The following UMAD1 variants were observed in gnomAD, a reference collection of about 807,000 sequenced individuals.
UMAD1 encodes UBAP1-MVB12-associated (UMA) domain containing 1, also known as UBAP1-MVB12-associated (UMA)-domain containing protein 1.
A neutral mutation model predicts 6.1 loss-of-function variants in UMAD1; 8 were observed. That is an observed-to-expected ratio of 1.30 (90% CI 0.76 to 2.35). The LOEUF (loss-of-function observed/expected upper bound fraction) is 2.35, where lower values mean the gene tolerates loss of function less well. Ranked by LOEUF, UMAD1 falls within the 30% of genes most tolerant of loss-of-function variation. The pLI, the probability that UMAD1 is intolerant of heterozygous loss-of-function variation, is 0.00. For synonymous variants in UMAD1, 56 were observed against 31.4 expected (o/e 1.78, Z -2.61); for missense variants, 130 against 78.4 (o/e 1.66, Z -2.49).
At chr7:7,801,808 C>G in intron 3 of UMAD1, 65 bp downstream of exon 3, 1 of 706,796 alleles carries the variant, frequency 1.4e-6, no homozygotes, top group Non-Finnish European at 2.6e-6. Flanking sequence ...ACTTATGCCT[C>G]CGAGGATAAA....
intron 3 of UMAD1, among the ~76,000 whole-genome samples, chr7:7,809,047 C>T (rs1292515365): frequency 6.6e-6 from 1 of 151,880 alleles, no homozygotes; most frequent in Non-Finnish European, 1.5e-5. Context: ...ATATAAATTT[C>T]TTAATGAAGA....
intron 2 of UMAD1, among the ~76,000 whole-genome samples, chr7:7,734,565 T>C (rs1781313611): frequency 6.6e-6 from 1 of 152,186 alleles, no homozygotes; most frequent in South Asian, 2.1e-4. Context: ...TTCTTCATTA[T>C]ATTCAAAAGT....
At chr7:7,768,627 ATG>A (rs368231556) in intron 2 of UMAD1, among the ~76,000 whole-genome samples, 80 of 152,184 alleles carry the variant, frequency 5.3e-4, no homozygotes, top group Middle Eastern at 3.4e-3. Context: ...TTATTCGCTC[ATG>A]TGTTTATCAA....
chr7:7,789,281 AC>A (rs1178080951), intron 2 of UMAD1, among the ~76,000 whole-genome samples: 5 of 151,886 alleles, frequency 3.3e-5, no homozygotes, highest in Non-Finnish European at 5.9e-5. Context: ...GAGAAAAAAA[AC>A]ACATTTCCCT....
intron 1 of UMAD1, among the ~76,000 whole-genome samples, chr7:7,655,712 C>A (rs141408627): frequency 1.3e-5 from 2 of 152,008 alleles, no homozygotes; most frequent in Admixed American, 6.5e-5. Context: ...ATTTAGGGGA[C>A]GAATGAAAAG....
chr7:7,728,720 G>A (rs917504476), intron 2 of UMAD1, among the ~76,000 whole-genome samples: 1 of 151,886 alleles, frequency 6.6e-6, no homozygotes, highest in African/African-American at 2.4e-5. Context: ...TACACAGGAA[G>A]CACTCAAGAA....
At chr7:7,843,492 A>G (rs527602292) in intron 3 of UMAD1, among the ~76,000 whole-genome samples, 2 of 152,184 alleles carry the variant, frequency 1.3e-5, no homozygotes, top group African/African-American at 4.8e-5. Flanking sequence ...CTTTGAGTGG[A>G]TTGGCAATGA....
chr7:7,763,394 T>C (rs1171121547), intron 2 of UMAD1, among the ~76,000 whole-genome samples: 1 of 152,154 alleles, frequency 6.6e-6, no homozygotes, highest in Non-Finnish European at 1.5e-5. Context: ...AATAAGTGGT[T>C]CTTCAGCCCA....
intron 2 of UMAD1, among the ~76,000 whole-genome samples, chr7:7,788,704 G>A (rs1782503728): frequency 6.6e-6 from 1 of 151,898 alleles, no homozygotes; most frequent in African/African-American, 2.4e-5. Flanking sequence ...CAGGTAAAGG[G>A]GTTGGGGAGT....
chr7:7,819,182 G>A (rs1427270206), intron 3 of UMAD1, among the ~76,000 whole-genome samples: 1 of 152,080 alleles, frequency 6.6e-6, no homozygotes, highest in Admixed American at 6.6e-5. Context: ...TGATTCCTAA[G>A]GGTAAATTTG....
intron 2 of UMAD1, among the ~76,000 whole-genome samples, chr7:7,680,955 G>A (rs370460048): frequency 5.5e-4 from 84 of 152,024 alleles, no homozygotes; most frequent in African/African-American, 1.9e-3. Flanking sequence ...GCATACACAT[G>A]TATCATGGTT....
At chr7:7,858,986 T>C in intron 3 of UMAD1, among the ~76,000 whole-genome samples, 1 of 152,326 alleles carries the variant, frequency 6.6e-6, no homozygotes, top group Non-Finnish European at 1.5e-5. Flanking sequence ...TTCCTAGAGA[T>C]ATTTCTAATG....
At chr7:7,796,252 T>C (rs1192858037) in intron 2 of UMAD1, among the ~76,000 whole-genome samples, 7 of 124,116 alleles carry the variant, frequency 5.6e-5, no homozygotes, top group South Asian at 2.6e-4. Context: ...TTCTTTTTTT[T>C]TTTTTTTTTT....
At chr7:7,834,931 C>A (rs1783537510) in intron 3 of UMAD1, among the ~76,000 whole-genome samples, 1 of 152,120 alleles carries the variant, frequency 6.6e-6, no homozygotes, top group African/African-American at 2.4e-5. Context: ...TGTCTTCCCA[C>A]TGTGAAGCAG....
intron 1 of UMAD1, among the ~76,000 whole-genome samples, chr7:7,671,136 C>G (rs1779595500): frequency 6.6e-6 from 1 of 152,148 alleles, no homozygotes; most frequent in Non-Finnish European, 1.5e-5. Context: ...TGAATTGAGA[C>G]CAGATTATTT....
intron 1 of UMAD1, among the ~76,000 whole-genome samples, chr7:7,652,610 G>C (rs1785248828): frequency 6.6e-6 from 1 of 152,258 alleles, no homozygotes; most frequent in African/African-American, 2.4e-5. Context: ...GTAGGATAAA[G>C]AGGCAGGAAG....
chr7:7,833,208 G>T (rs1203325478), intron 3 of UMAD1, among the ~76,000 whole-genome samples: 1 of 152,074 alleles, frequency 6.6e-6, no homozygotes, highest in Non-Finnish European at 1.5e-5. Context: ...GTGAAATCGG[G>T]CAGGCCTCAC....
At chr7:7,676,893 CTTTT>C (rs1483931381) in intron 2 of UMAD1, among the ~76,000 whole-genome samples, 1 of 151,976 alleles carries the variant, frequency 6.6e-6, no homozygotes, top group Non-Finnish European at 1.5e-5. Flanking sequence ...CAGGTAAACT[CTTTT>C]TTAAAAAATT....
intron 1 of UMAD1, among the ~76,000 whole-genome samples, chr7:7,657,481 AT>A (rs1216903982): frequency 6.6e-6 from 1 of 152,116 alleles, no homozygotes; most frequent in Non-Finnish European, 1.5e-5. Flanking sequence ...TCTTGAGTTA[AT>A]TTTTGTATAA....
Sources: allele counts gnomAD v4.1 joint callset (sites outside exome capture counted in the v4.1 genomes callset), GRCh38; gene constraint gnomAD v4.1.1; transcripts MANE v1.5; gene names NCBI Gene and HGNC (gene_info 2026-07-23, HGNC 2026-07-21).